Variants in PPP1R37 observed in about 807,000 individuals in gnomAD.
PPP1R37 encodes the protein leucine rich repeat containing 68.
PPP1R37 carries 21 observed loss-of-function variants against 61.0 expected under a neutral mutation model. The ratio of observed to expected loss-of-function variants is 0.34; its 90% CI spans 0.24 to 0.50. The LOEUF is 0.50. Ranked by LOEUF, PPP1R37 falls within the 20% of genes least tolerant of loss-of-function variation. The pLI is 0.98. For synonymous variants in PPP1R37, 443 were observed against 433.5 expected, an observed-to-expected ratio of 1.02 and a Z score of -0.27; for missense variants, 910 against 952.7, an observed-to-expected ratio of 0.96 and a Z score of 0.59.
chr19:45,110,961 T>C (rs912037166), intron 1 of PPP1R37, among the ~76,000 whole-genome samples: 2 of 152,130 alleles, frequency 1.3e-5, no homozygotes, highest in African/African-American at 4.8e-5. Context: ...TACCGATGAG[T>C]GCTGGGCTTT....
At chr19:45,108,192 T>C (rs1240704921) in intron 1 of PPP1R37, among the ~76,000 whole-genome samples, 2 of 152,166 alleles carry the variant, frequency 1.3e-5, no homozygotes, top group Non-Finnish European at 1.5e-5. Flanking sequence ...AGGGTCTCTC[T>C]CTTTTTTTCT....
chr19:45,094,402 C>T (rs953509479), intron 1 of PPP1R37, among the ~76,000 whole-genome samples: 4 of 152,184 alleles, frequency 2.6e-5, no homozygotes, highest in Non-Finnish European at 5.9e-5. Context: ...GACATGGCTA[C>T]GGAAGGGTCC....
intron 1 of PPP1R37, among the ~76,000 whole-genome samples, chr19:45,129,278 G>A (rs957759831): frequency 6.6e-6 from 1 of 152,110 alleles, no homozygotes; most frequent in African/African-American, 2.4e-5. Context: ...AGCCCTGGTT[G>A]GGGGGAGACG....
chr19:45,121,084 A>G lies in PPP1R37; in HGVS notation c.203-17430A>G, dbSNP rs1021289397. 1.3e-5 allele frequency among the ~76,000 whole-genome samples: 2 copies of G among 152,128 alleles called. No homozygotes were observed. The highest frequency in any genetic ancestry group is 4.8e-5 in the African/African-American group (2 of 41,414). ...ACGAGATCGAGTTTGTCAATCGCTT[A>G]GTTTTGGGAGTGGGCGCAAAGTTAC... On this transcript the variant is annotated intron_variant, in intron 1 of 12. Transcript: ENST00000221462. This position sits in a 1 kb window ranked among gnomAD's most constrained non-coding sequence, Gnocchi z 4.2.
At chr19:45,093,568 C>T in intron 1 of PPP1R37, 41 bp downstream of exon 1, 1 of 1,492,572 alleles carries the variant, frequency 6.7e-7, no homozygotes, top group East Asian at 2.5e-5. Flanking sequence ...TCGAGAGGGA[C>T]CCGGGAGTCG....
chr19:45,138,990 T>C (rs769399853), intron 2 of PPP1R37, among the ~76,000 whole-genome samples: 1 of 138,910 alleles, frequency 7.2e-6, no homozygotes, highest in Non-Finnish European at 1.5e-5. Context: ...TTCGGCTCAC[T>C]GCAACCTCTG....
chr19:45,107,518 T>C (rs1968147633), intron 1 of PPP1R37, among the ~76,000 whole-genome samples: 1 of 152,148 alleles, frequency 6.6e-6, no homozygotes, highest in South Asian at 2.1e-4. Flanking sequence ...GTGGGAGGAT[T>C]GCTTGAGCCC....
intron 1 of PPP1R37, among the ~76,000 whole-genome samples, chr19:45,107,195 AT>A (rs567688374): frequency 7.5e-4 from 114 of 151,808 alleles, no homozygotes; most frequent in African/African-American, 2.5e-3. Context: ...TCTTTTGCCC[AT>A]TTTTAAATTG....
chr19:45,108,142 G>A (rs111976682), intron 1 of PPP1R37, among the ~76,000 whole-genome samples: 20 of 152,230 alleles, frequency 1.3e-4, no homozygotes, highest in Non-Finnish European at 1.9e-4. Context: ...GGGTTCTGTC[G>A]TCATAGTCAC....
rs1002514973 is a variant in PPP1R37, at chr19:45,100,776, T to C, written c.202+7249T>C. Among the ~76,000 whole-genome samples the C allele has an allele frequency of 7.4e-5, 11 of 148,568 alleles. No homozygotes were observed. The East Asian group carries it at 9.7e-4, about 13-fold the overall frequency. On this transcript the variant is annotated intron_variant, in intron 1 of 12. Coordinates refer to ENST00000221462, the MANE Select transcript of PPP1R37 (RefSeq NM_019121.2). ...GGAGGAGAAACAGAAACAGGTGGGG[T>C]AAGGGCCCAGCCTTGGTGGGCACGC...
chr19:45,124,354 T>C (rs940312023), intron 1 of PPP1R37, among the ~76,000 whole-genome samples: 9 of 152,172 alleles, frequency 5.9e-5, no homozygotes, highest in Non-Finnish European at 7.3e-5. Context: ...AGAATTTGGG[T>C]GTGGCCAGAG....
Position 45,145,866 on chromosome 19 carries a change from C to T in PPP1R37, c.1810C>T (p.Leu604=). 1 of 1,529,864 alleles carries T rather than the reference C, an allele frequency of 6.5e-7. No individual in the cohort carries two copies. The highest frequency in any genetic ancestry group is 2.5e-5 in the East Asian group (1 of 40,714). 94.8% of individuals were successfully genotyped at this position (1,529,864 alleles called of 1,614,324 possible). The change falls in exon 11 of 13, where the codon CTA becomes TTA. Residue 604 remains leucine, a synonymous_variant. Transcript: ENST00000221462. ...TCCCTCCCCACCCGCCTCACCTTCC[C>T]TACCACCAGCCGGGGCCATTGACAC... ...PPPSPPASPS[L]PPAGAIDTRD...
At chr19:45,093,568 C>G in intron 1 of PPP1R37, 41 bp downstream of exon 1, 2 of 1,492,572 alleles carry the variant, frequency 1.3e-6, no homozygotes, top group Non-Finnish European at 1.8e-6. Context: ...TCGAGAGGGA[C>G]CCGGGAGTCG....
intron 1 of PPP1R37, among the ~76,000 whole-genome samples, chr19:45,104,811 C>T (rs1003568856): frequency 3.9e-5 from 6 of 152,092 alleles, no homozygotes; most frequent in African/African-American, 7.2e-5. Flanking sequence ...TTCAAGCCAT[C>T]GTGGCTTCCT....
At chr19:45,143,660 G>GCACCTCGGTCCCCGCTGC (rs2122757631) in intron 8 of PPP1R37, 27 bp downstream of exon 8, 1 of 1,401,664 alleles carries the variant, frequency 7.1e-7, no homozygotes, top group East Asian at 2.5e-5. Flanking sequence ...GGGAAGGGAG[G>GCACCTCGGTCCCCGCTGC]CACCTCGGTC....
intron 1 of PPP1R37, chr19:45,137,074 T>A (rs1484603431): frequency 1.4e-5 from 2 of 147,668 alleles, no homozygotes; most frequent in African/African-American, 2.5e-5. Context: ...CAGCAAGCCC[T>A]CTTCCTGGCC....
At chr19:45,135,699 C>T (rs1353998594) in intron 1 of PPP1R37, among the ~76,000 whole-genome samples, 4 of 151,824 alleles carry the variant, frequency 2.6e-5, no homozygotes, top group Middle Eastern at 3.4e-3. Flanking sequence ...GCGCCTGGCA[C>T]GAAGTCCGTG....
At chr19:45,113,701 G>A (rs1028623963) in intron 1 of PPP1R37, among the ~76,000 whole-genome samples, 23 of 152,336 alleles carry the variant, frequency 1.5e-4, no homozygotes, top group Non-Finnish European at 2.6e-4. Flanking sequence ...CTGGGCCATC[G>A]CTGCCTTTGT....
intron 1 of PPP1R37, among the ~76,000 whole-genome samples, chr19:45,127,974 CAAAAAAAA>C (rs35001139): frequency 1.6e-5 from 1 of 61,870 alleles, no homozygotes; most frequent in Non-Finnish European, 3.7e-5. Context: ...GACTCCATCT[CAAAAAAAA>C]AAAAAAAAAA....
Sources: gnomAD v4.1 joint callset for allele counts (sites outside exome capture counted in the v4.1 genomes callset) on GRCh38, gnomAD v4.1.1 for gene constraint, Gnocchi (gnomAD v3.1) non-coding constraint, MANE v1.5 for transcripts, NCBI Gene and HGNC (gene_info 2026-07-23, HGNC 2026-07-21) for gene names.